The following BAHCC1 variants were observed in gnomAD, a reference collection of about 807,000 sequenced individuals.
The protein encoded by BAHCC1 is BAH domain and coiled-coil containing 1, also known as BAH and coiled-coil domain-containing protein 1.
A neutral mutation model predicts 88.2 loss-of-function variants in BAHCC1; 43 were observed. The observed-to-expected ratio is 0.49, with a 90% CI of 0.38 to 0.63. BAHCC1 has a LOEUF of 0.63. Ranked by LOEUF, BAHCC1 falls within the 20% of genes least tolerant of loss-of-function variation. The pLI, the probability that BAHCC1 is intolerant of heterozygous loss-of-function variation, is 0.00. For synonymous variants in BAHCC1, 1,510 were observed against 745.5 expected (o/e 2.03, Z -16.71); for missense variants, 3,023 against 1,654.8 (o/e 1.83, Z -14.34).
At chr17:81,418,249 G>A (rs1465953463) in intron 2 of BAHCC1, among the ~76,000 whole-genome samples, 1 of 152,210 alleles carries the variant, frequency 6.6e-6, no homozygotes, top group Non-Finnish European at 1.5e-5. Context: ...CCTGGAGAGG[G>A]CTTCAGATTG....
At chr17:81,416,343 TGTGTGTCCATGAGGGTGGGTCTATGC>T (rs1172696110) in intron 2 of BAHCC1, among the ~76,000 whole-genome samples, 1 of 140,506 alleles carries the variant, frequency 7.1e-6, no homozygotes, top group Admixed American at 7.1e-5. Flanking sequence ...GATGGGTGTG[TGTGTGTCCATGAGGGTGGGTCTATGC>T]GTGTGTCCAT....
chr17:81,395,686 ATTAT>A (rs1193329721), intron 1 of BAHCC1, 51 bp downstream of exon 1: 2 of 150,672 alleles, frequency 1.3e-5, no homozygotes, highest in East Asian at 3.9e-4. Context: ...TATTTTTATT[ATTAT>A]TTTATTTTTT....
Position 81,456,537 on chromosome 17 carries a change from A to G in BAHCC1, c.4810A>G (p.Thr1604Ala). ...GCCCAAGGGCCACGGCAGCCGGGAGACACCCAGGTGCCCAGCCCAGCCCTC... is the reference window on the plus strand; with the variant it reads ...GCCCAAGGGCCACGGCAGCCGGGAGGCACCCAGGTGCCCAGCCCAGCCCTC... The part of the protein sequence containing the change: ...PQPKGHGSRE[T>A]PRCPAQPSVA... The change falls in exon 16 of 28, where the codon ACA becomes GCA. Residue 1604 changes from threonine to alanine, a missense_variant. By Grantham distance (58) the Thr-to-Ala change is moderately conservative. Transcript: ENST00000675386. 7.0e-6 allele frequency: 5 copies of G among 715,178 alleles called. No homozygotes were observed. Among genetic ancestry groups the G allele is most frequent in the South Asian group, 4.5e-5 (3 of 67,350 alleles). The allele number at this position is 715,178 out of a possible 1,614,324, so 44.3% of individuals were successfully genotyped here.
chr17:81,459,632 G>A (rs2030067509), intron 23 of BAHCC1, 28 bp downstream of exon 23: 1 of 779,134 alleles, frequency 1.3e-6, no homozygotes, highest in East Asian at 2.4e-5. Flanking sequence ...CGGGGGCTGG[G>A]GCAGGCCCCT....
At chr17:81,395,666 T>TG (rs1295019065) in intron 1 of BAHCC1, 31 bp downstream of exon 1, 16 of 151,904 alleles carry the variant, frequency 1.1e-4, no homozygotes, top group Non-Finnish European at 2.1e-4. Flanking sequence ...TCATTTTTTT[T>TG]TTGTTTTTGT....
At chr17:81,450,294 G>T (rs1196152063) in intron 11 of BAHCC1, among the ~76,000 whole-genome samples, 1 of 151,998 alleles carries the variant, frequency 6.6e-6, no homozygotes, top group African/African-American at 2.4e-5. Flanking sequence ...TCAGCCCATG[G>T]GGACCCCGTT....
intron 2 of BAHCC1, among the ~76,000 whole-genome samples, chr17:81,425,703 TGGTGGTGATAGTGGTG>T: frequency 7.4e-6 from 1 of 135,782 alleles, no homozygotes. Context: ...GCGATGTGGT[TGGTGGTGATAGTGGTG>T]GGTGATGTGG....
At position 81,459,087 on chromosome 17, in the gene BAHCC1, G is replaced by A. The variant is rs868951095; in HGVS notation, c.5639G>A (p.Arg1880Gln). Residue 1880 changes from arginine to glutamine, a missense_variant, in exon 21 of 28, where the codon CGG becomes CAG. Arg to Gln is a conservative substitution (Grantham distance 43, BLOSUM62 1). Transcript: ENST00000675386. ...TGTGCCATCCACAAGGAGGACCTGCGGGACGGGCTGCCCGTGCTCATCCCC... is the reference window on the plus strand; with the variant it reads ...TGTGCCATCCACAAGGAGGACCTGCAGGACGGGCTGCCCGTGCTCATCCCC... ...RSCAIHKEDLRDGLPVLIPKE... is the reference protein window; with the variant it reads ...RSCAIHKEDLQDGLPVLIPKE... 7 of 769,586 alleles carry A rather than the reference G, an allele frequency of 9.1e-6. No individual in the cohort carries two copies. The highest frequency in any genetic ancestry group is 2.7e-5 in the South Asian group (2 of 73,228). 47.7% of individuals were successfully genotyped at this position (769,586 alleles called of 1,614,324 possible).
intron 2 of BAHCC1, 149 bp downstream of exon 2, chr17:81,400,066 G>A (rs1555645797): frequency 1.1e-5 from 8 of 732,266 alleles, no homozygotes; most frequent in Non-Finnish European, 1.3e-5. Flanking sequence ...GGGGCCGCGC[G>A]TCCCGCCAGC....
chr17:81,438,791 C>A (rs910788676), intron 4 of BAHCC1, among the ~76,000 whole-genome samples: 1 of 152,172 alleles, frequency 6.6e-6, no homozygotes, highest in Non-Finnish European at 1.5e-5. Flanking sequence ...CTAGCCCCAC[C>A]GGCTTCCTCA....
At chr17:81,408,569 T>C (rs1169020778) in intron 2 of BAHCC1, among the ~76,000 whole-genome samples, 10 of 152,008 alleles carry the variant, frequency 6.6e-5, no homozygotes, top group Non-Finnish European at 1.0e-4. Flanking sequence ...CGGCGTCACA[T>C]CCTCTCAGAG....
intron 2 of BAHCC1, among the ~76,000 whole-genome samples, chr17:81,422,243 C>CTCT (rs1175010005): frequency 7.9e-5 from 12 of 152,186 alleles, no homozygotes; most frequent in African/African-American, 2.7e-4. Context: ...AACTCCTCAC[C>CTCT]TCAAGTGATC....
intron 11 of BAHCC1, chr17:81,451,311 C>T (rs899287): frequency 0.011 from 2,649 of 244,686 alleles, 85 homozygotes; most frequent in African/African-American, 0.055. Context: ...GGCTGCCGTT[C>T]GAAGCAGGGC....
Position 81,453,591 on chromosome 17 carries a change from GC to G in BAHCC1, c.4445+749del, listed in dbSNP as rs34940977. On this transcript the variant is annotated intron_variant, in intron 14 of 27. Coordinates refer to ENST00000675386, the MANE Select transcript of BAHCC1 (RefSeq NM_001377448.1). ...GCAGTGGAGGGGTCACCATATGGCT[GC>G]CCCCCCCCAGAGCTGCCCCTGCCCT... 4.6e-4 allele frequency among the ~76,000 whole-genome samples: 69 copies of G among 150,880 alleles called. No homozygotes were observed. The East Asian group carries it at 7.8e-3, about 17-fold the overall frequency.
Position 81,441,877 on chromosome 17 carries a change from G to A in BAHCC1, c.528G>A (p.Pro176=), listed in dbSNP as rs545200214. Residue 176 remains proline (P), a synonymous_variant, in exon 5 of 28, where the codon CCG becomes CCA. Transcript: ENST00000675386. ...RNLPPQPTLL[P]ANHNFPSVAR... is the part of the protein sequence containing the mutation. ...TGCCGCCCCAGCCCACGCTGCTGCC[G>A]GCCAACCACAACTTCCCCAGCGTGG... The A allele has an allele frequency of 4.9e-5, 33 of 668,884 alleles. No individual in the cohort carries two copies. The highest frequency in any genetic ancestry group is 1.2e-4 in the South Asian group (7 of 59,082). The allele number at this position is 668,884 out of a possible 1,614,324, so 41.4% of individuals were successfully genotyped here.
chr17:81,460,077 G>A (rs1326611548), intron 23 of BAHCC1, among the ~76,000 whole-genome samples, 200 bp from the exon 24 acceptor site: 1 of 152,160 alleles, frequency 6.6e-6, no homozygotes, highest in Non-Finnish European at 1.5e-5. Flanking sequence ...GGTGACGGTG[G>A]CATCACATGG....
At position 81,461,475 on chromosome 17, in the gene BAHCC1, T is replaced by C; in HGVS notation, c.6812T>C (p.Leu2271Pro). The change falls in exon 26 of 28, where the codon CTG (leucine) becomes CCG (proline). Residue 2271 changes from leucine to proline, a missense_variant. Leu to Pro is a moderately conservative substitution (Grantham distance 98, BLOSUM62 -3). Transcript: ENST00000675386. ...PIPPLPMGLA[L>P]RKYAGQAEFP... ...CCCCCGCTGCCCATGGGGCTGGCGC[T>C]GCGCAAGTACGCGGGCCAGGCAGAG... The C allele has an allele frequency of 1.3e-6, 1 of 745,000 alleles. No individual in the cohort carries two copies. The highest frequency in any genetic ancestry group is 1.4e-5 in the South Asian group (1 of 70,432). 46.1% of individuals were successfully genotyped at this position (745,000 alleles called of 1,614,324 possible).
intron 2 of BAHCC1, chr17:81,407,356 C>T (rs372592099): frequency 9.6e-6 from 5 of 519,970 alleles, no homozygotes; most frequent in Non-Finnish European, 1.9e-5. Context: ...AACCAGCCTG[C>T]TGGCGTCTTC....
chr17:81,442,672 T>C lies in BAHCC1; in HGVS notation c.1323T>C (p.Tyr441=), dbSNP rs2064444035. 1.3e-6 allele frequency: 1 copy of C among 774,750 alleles called. No individual in the cohort carries two copies. Among genetic ancestry groups the C allele is most frequent in the Non-Finnish European group, 2.4e-6 (1 of 415,900 alleles). 48.0% of individuals were successfully genotyped at this position (774,750 alleles called of 1,614,324 possible). Residue 441 remains tyrosine (Y), a synonymous_variant, in exon 5 of 28, where the codon TAT becomes TAC. Coordinates refer to ENST00000675386, the MANE Select transcript of BAHCC1 (RefSeq NM_001377448.1). ...ACGCTGCACCCTATGGAGTCTCCTA[T>C]GCCCACCTGAAGGCCGAGGGCAAGG... ...PDHAAPYGVS[Y]AHLKAEGKGE...
Sources: gnomAD v4.1 joint callset for allele counts (sites outside exome capture counted in the v4.1 genomes callset) on GRCh38, gnomAD v4.1.1 for gene constraint, MANE v1.5 for transcripts, NCBI Gene and HGNC (gene_info 2026-07-23, HGNC 2026-07-21) for gene names.